Variants in DAB1 observed in about 807,000 individuals in gnomAD.
DAB1 encodes the protein DAB adaptor protein 1.
A neutral mutation model predicts 64.6 loss-of-function variants in DAB1; 15 were observed. The ratio of observed to expected loss-of-function variants is 0.23; its 90% confidence interval spans 0.16 to 0.36. DAB1 has a LOEUF of 0.36. Ranked by LOEUF, DAB1 falls within the 10% of genes least tolerant of loss-of-function variation. The pLI, the probability that DAB1 is intolerant of heterozygous loss-of-function variation, is 1.00. For synonymous variants in DAB1, 235 were observed against 251.9 expected, an observed-to-expected ratio of 0.93 and a Z score of 0.64; for missense variants, 596 against 706.7, an observed-to-expected ratio of 0.84 and a Z score of 1.78.
intron 1 of DAB1, among the ~76,000 whole-genome samples, chr1:57,298,943 T>C (rs972498121): frequency 6.6e-6 from 1 of 152,188 alleles, no homozygotes; most frequent in East Asian, 1.9e-4. Context: ...AAACTGCCTA[T>C]CAGTTTTCAT....
At chr1:57,033,660 T>C in intron 9 of DAB1, 5 of 1,299,592 alleles carry the variant, frequency 3.8e-6, no homozygotes, top group Non-Finnish European at 5.5e-6. Flanking sequence ...ACAGTATCTA[T>C]GGTTCACACT....
chr1:58,487,679 C>A (rs746982799), intron 3 of DAB1, among the ~76,000 whole-genome samples: 1 of 152,098 alleles, frequency 6.6e-6, no homozygotes, highest in Non-Finnish European at 1.5e-5. Flanking sequence ...TACCTTACTT[C>A]TTTCTAAAGT....
At chr1:57,856,992 G>T (rs1653785160) in intron 1 of DAB1, among the ~76,000 whole-genome samples, 1 of 152,064 alleles carries the variant, frequency 6.6e-6, no homozygotes, top group Non-Finnish European at 1.5e-5. Flanking sequence ...CATGACCTGT[G>T]CAGATATCTG....
At chr1:57,246,189 G>A (rs566730678) in intron 2 of DAB1, among the ~76,000 whole-genome samples, 134 of 152,256 alleles carry the variant, frequency 8.8e-4, no homozygotes, top group African/African-American at 2.9e-3. Context: ...AGAGATCTTC[G>A]CAGCAGCCTC....
chr1:58,023,289 C>T (rs745749658), intron 5 of DAB1, among the ~76,000 whole-genome samples: 47 of 152,210 alleles, frequency 3.1e-4, no homozygotes, highest in Non-Finnish European at 3.7e-4. Flanking sequence ...AGCCCACAGC[C>T]AGAAACACAC....
chr1:58,242,985 G>A (rs528445368), intron 4 of DAB1, among the ~76,000 whole-genome samples: 12 of 152,226 alleles, frequency 7.9e-5, no homozygotes, highest in Non-Finnish European at 1.0e-4. Context: ...GATGATGCAC[G>A]CACAAAATGT....
chr1:57,239,395 T>G (rs1185124195), intron 2 of DAB1, among the ~76,000 whole-genome samples: 1 of 152,264 alleles, frequency 6.6e-6, no homozygotes, highest in Non-Finnish European at 1.5e-5. Flanking sequence ...GTAAGCTTCA[T>G]GTGGACAAAG....
intron 1 of DAB1, among the ~76,000 whole-genome samples, chr1:57,859,330 C>A (rs1653901149): frequency 6.6e-6 from 1 of 152,062 alleles, no homozygotes; most frequent in Non-Finnish European, 1.5e-5. Flanking sequence ...CTCCGTATCC[C>A]TCTGACTATA....
intron 4 of DAB1, among the ~76,000 whole-genome samples, chr1:58,182,499 C>T (rs1656848358): frequency 6.6e-6 from 1 of 151,826 alleles, no homozygotes; most frequent in Admixed American, 6.6e-5. Context: ...TTCTGTTCTT[C>T]CAATTGGATA....
chr1:57,057,754 C>T (rs1398713612), intron 9 of DAB1, among the ~76,000 whole-genome samples: 2 of 147,734 alleles, frequency 1.4e-5, no homozygotes, highest in South Asian at 2.2e-4. Flanking sequence ...ACTACAGGTG[C>T]CTGCCACCAT....
chr1:57,689,446 G>C (rs1183899705), intron 6 of DAB1, among the ~76,000 whole-genome samples: 7 of 152,132 alleles, frequency 4.6e-5, no homozygotes, highest in African/African-American at 1.2e-4. Context: ...GCAATTGGTT[G>C]AGTGTGAAAA....
rs968095485 is a variant in DAB1, at chr1:58,163,454, C to T, written n.310-12866G>A. On this transcript the variant is annotated intron_variant and non_coding_transcript_variant, in intron 4 of 20. Transcript: ENST00000485760. ...CTCTCTCTCCACAACATCTATAAAG[C>T]TGGACAAAATTAGCAAAATCAACCA... 3.9e-5 allele frequency among the ~76,000 whole-genome samples: 6 copies of T among 152,132 alleles called. No individual in the cohort carries two copies. In the South Asian group the frequency reaches 1.0e-3, roughly 26 times the overall value.
chr1:57,635,929 A>C (rs1453749775), intron 7 of DAB1, among the ~76,000 whole-genome samples: 2 of 151,476 alleles, frequency 1.3e-5, no homozygotes, highest in African/African-American at 4.9e-5. Context: ...CCCCGTCACT[A>C]CTAAAAATAC....
chr1:57,880,751 C>T (rs1268654803), intron 1 of DAB1: 4 of 152,146 alleles, frequency 2.6e-5, no homozygotes, highest in Non-Finnish European at 5.9e-5. Flanking sequence ...GATACTTGCT[C>T]AAGCACCATA....
chr1:57,439,954 T>C (rs1685877825), intron 7 of DAB1, among the ~76,000 whole-genome samples: 1 of 152,132 alleles, frequency 6.6e-6, no homozygotes, highest in African/African-American at 2.4e-5. Context: ...CCCCAATTCA[T>C]CTTATGATGT....
At chr1:57,604,148 G>C (rs1380561871) in intron 7 of DAB1, among the ~76,000 whole-genome samples, 1 of 152,198 alleles carries the variant, frequency 6.6e-6, no homozygotes, top group Non-Finnish European at 1.5e-5. Context: ...TTTGTGGAAT[G>C]CACAAATGCC....
intron 3 of DAB1, among the ~76,000 whole-genome samples, chr1:58,470,723 T>G (rs1645348538): frequency 6.6e-6 from 1 of 152,184 alleles, no homozygotes. Flanking sequence ...CAGTCCGTCT[T>G]CCTGACTCCT....
intron 1 of DAB1, among the ~76,000 whole-genome samples, chr1:57,413,993 T>C (rs1369158257): frequency 6.6e-6 from 1 of 152,192 alleles, no homozygotes; most frequent in Non-Finnish European, 1.5e-5. Context: ...GCTACAACTT[T>C]AGCGGATAAG....
At chr1:57,461,600 C>A (rs1241493941) in intron 7 of DAB1, among the ~76,000 whole-genome samples, 3 of 152,178 alleles carry the variant, frequency 2.0e-5, no homozygotes, top group Non-Finnish European at 4.4e-5. Flanking sequence ...TATTTGCTGA[C>A]CCTGTGTGTT....
Sources: gnomAD v4.1 joint callset for allele counts (sites outside exome capture counted in the v4.1 genomes callset) on GRCh38, gnomAD v4.1.1 for gene constraint, MANE v1.5 for transcripts, NCBI Gene and HGNC (gene_info 2026-07-23, HGNC 2026-07-21) for gene names.